Variants in GRIK4 observed in about 807,000 individuals in gnomAD.
The protein encoded by GRIK4 is glutamate ionotropic receptor kainate type subunit 4.
GRIK4 carries 40 observed loss-of-function variants against 104.9 expected under a neutral mutation model. The observed-to-expected ratio is 0.38, with a 90% CI of 0.30 to 0.50. The LOEUF is 0.50. Among genes scored for constraint, GRIK4 ranks in the 20% least tolerant of loss-of-function variants. The pLI is 0.93. For missense variants in GRIK4, 1,047 were observed against 1,308.1 expected, an observed-to-expected ratio of 0.80 and a Z score of 3.08; for synonymous variants, 485 against 524.9, an observed-to-expected ratio of 0.92 and a Z score of 1.04.
At chr11:120,948,868 C>G (rs573804150) in intron 14 of GRIK4, among the ~76,000 whole-genome samples, 5 of 152,256 alleles carry the variant, frequency 3.3e-5, no homozygotes, top group Admixed American at 6.5e-5. Flanking sequence ...AACAACCCCA[C>G]GAGGTAGGTT....
At chr11:120,785,187 CTGTT>C (rs1338354481) in intron 3 of GRIK4, among the ~76,000 whole-genome samples, 1 of 152,182 alleles carries the variant, frequency 6.6e-6, no homozygotes, top group Non-Finnish European at 1.5e-5. Context: ...TCCAGCCTGG[CTGTT>C]TGTGCAGTGA....
intron 1 of GRIK4, among the ~76,000 whole-genome samples, chr11:120,616,608 A>G (rs1949118116): frequency 6.6e-6 from 1 of 152,196 alleles, no homozygotes; most frequent in Non-Finnish European, 1.5e-5. Flanking sequence ...GAAGGGATAC[A>G]GAATGTTGAG....
At chr11:120,830,781 CATT>C (rs1354834439) in intron 6 of GRIK4, among the ~76,000 whole-genome samples, 4 of 152,116 alleles carry the variant, frequency 2.6e-5, no homozygotes, top group African/African-American at 7.3e-5. Flanking sequence ...TTGCCCTTAT[CATT>C]GCTTTTGGGA....
chr11:120,864,673 G>A (rs560659462), intron 9 of GRIK4, among the ~76,000 whole-genome samples: 2 of 152,314 alleles, frequency 1.3e-5, no homozygotes, highest in African/African-American at 2.4e-5. Context: ...ATGGTCCCAG[G>A]CTCTATTTCC....
intron 8 of GRIK4, among the ~76,000 whole-genome samples, chr11:120,837,919 C>T (rs1953616636): frequency 6.6e-6 from 1 of 152,098 alleles, no homozygotes; most frequent in South Asian, 2.1e-4. Flanking sequence ...CCAGTGCCAG[C>T]CTGCCAGAGA....
At chr11:120,844,509 G>A (rs747248164) in intron 8 of GRIK4, among the ~76,000 whole-genome samples, 4 of 152,154 alleles carry the variant, frequency 2.6e-5, no homozygotes, top group Non-Finnish European at 4.4e-5. Context: ...ATGAGTGAAG[G>A]GAGCATTCCA....
At chr11:120,567,110 C>G (rs1177099738) in intron 1 of GRIK4, among the ~76,000 whole-genome samples, 1 of 151,248 alleles carries the variant, frequency 6.6e-6, no homozygotes, top group African/African-American at 2.4e-5. Flanking sequence ...GCCTCAGTCT[C>G]CTCAGTAGCT....
intron 7 of GRIK4, among the ~76,000 whole-genome samples, chr11:120,834,605 G>T (rs1953524575): frequency 6.6e-6 from 1 of 152,188 alleles, no homozygotes; most frequent in East Asian, 1.9e-4. Context: ...GCCTCAGCAA[G>T]GATGGGAAGC....
chr11:120,782,203 C>T (rs973471092), intron 3 of GRIK4, among the ~76,000 whole-genome samples: 2 of 152,058 alleles, frequency 1.3e-5, no homozygotes, highest in South Asian at 2.1e-4. Flanking sequence ...ATAAGGTCCT[C>T]GAGTCTGGTT....
At chr11:120,735,040 G>T (rs1256992035) in intron 3 of GRIK4, among the ~76,000 whole-genome samples, 3 of 152,110 alleles carry the variant, frequency 2.0e-5, no homozygotes, top group African/African-American at 7.2e-5. Context: ...GTTTTGAAAG[G>T]TCACATATCT....
intron 3 of GRIK4, among the ~76,000 whole-genome samples, chr11:120,783,744 A>G (rs1167831443): frequency 6.6e-6 from 1 of 152,174 alleles, no homozygotes. Context: ...CATCTCTTTC[A>G]GGCAACAGCT....
At position 120,755,545 on chromosome 11, in the gene GRIK4, C is replaced by A. The variant is rs576074132; in HGVS notation, c.83-47148C>A. ...ATCACTTGAGCCTGGGAGGCTGAGG[C>A]TGCAGTGAGTGGTGATCACACCACT... is the stretch of plus-strand genomic sequence containing the variant. On this transcript the variant is annotated intron_variant, in intron 3 of 20. Transcript: ENST00000527524. 5.9e-5 allele frequency among the ~76,000 whole-genome samples: 9 copies of A among 151,890 alleles called. No individual in the cohort carries two copies. The East Asian group carries it at 7.8e-4, about 13-fold the overall frequency.
intron 1 of GRIK4, among the ~76,000 whole-genome samples, chr11:120,550,913 G>A (rs1948132991): frequency 6.6e-6 from 1 of 152,132 alleles, no homozygotes; most frequent in Non-Finnish European, 1.5e-5. Context: ...GGCATGCAGG[G>A]CTGAGTGGGG....
intron 1 of GRIK4, among the ~76,000 whole-genome samples, chr11:120,627,609 G>A (rs12421011): frequency 0.012 from 1,853 of 152,342 alleles, 72 homozygotes; most frequent in Admixed American, 0.079. Flanking sequence ...TGGGGCCCAG[G>A]AGGCAGGCCC....
At chr11:120,882,677 A>G (rs1954999607) in intron 11 of GRIK4, among the ~76,000 whole-genome samples, 1 of 152,218 alleles carries the variant, frequency 6.6e-6, no homozygotes. Context: ...TAGAATGTCA[A>G]AAATTCTTAA....
At chr11:120,915,855 A>G (rs1385995970) in intron 13 of GRIK4, among the ~76,000 whole-genome samples, 3 of 152,236 alleles carry the variant, frequency 2.0e-5, no homozygotes, top group Non-Finnish European at 4.4e-5. Flanking sequence ...TCTGTTCCAC[A>G]GATGAGGGCA....
intron 1 of GRIK4, among the ~76,000 whole-genome samples, chr11:120,613,026 G>A (rs935351043): frequency 6.6e-5 from 10 of 152,308 alleles, no homozygotes; most frequent in African/African-American, 2.4e-4. Context: ...TGAGTGGTGG[G>A]GTTGCTGGGA....
At chr11:120,733,515 C>T (rs1951174029) in intron 3 of GRIK4, among the ~76,000 whole-genome samples, 1 of 151,578 alleles carries the variant, frequency 6.6e-6, no homozygotes, top group African/African-American at 2.4e-5. Flanking sequence ...GGGGAGCTTA[C>T]CATAAGGTTT....
rs138878814 is a variant in GRIK4, at chr11:120,983,510, C to G, written c.2514+1286C>G. ...TGTCCCTTGATGATGGGGATACTTT[C>G]TTTCAGAATCCCTCTTCCCTTGCCT... is the stretch of plus-strand genomic sequence containing the variant. On this transcript the variant is annotated intron_variant, in intron 20 of 20. Transcript: ENST00000527524. 1.0e-3 allele frequency among the ~76,000 whole-genome samples: 153 copies of G among 152,318 alleles called. 2 individuals are homozygous for G. The East Asian group carries it at 0.027, about 27-fold the overall frequency.
Sources: gnomAD v4.1 joint callset for allele counts (sites outside exome capture counted in the v4.1 genomes callset) on GRCh38, gnomAD v4.1.1 for gene constraint, MANE v1.5 for transcripts, NCBI Gene and HGNC (gene_info 2026-07-23, HGNC 2026-07-21) for gene names.